Variants in FRYL observed in about 807,000 individuals in gnomAD.
FRYL encodes FRY like transcription coactivator.
Under a neutral mutation model 351.2 loss-of-function variants are expected in FRYL, and 150 were observed. The observed-to-expected ratio is 0.43, with a 90% CI of 0.37 to 0.49. The LOEUF is 0.49. Ranked by LOEUF, FRYL falls within the 20% of genes least tolerant of loss-of-function variation. The pLI is 0.00. For synonymous variants in FRYL, 1,153 were observed against 1,257.1 expected (o/e 0.92, Z 1.75); for missense variants, 3,036 against 3,619.3 (o/e 0.84, Z 4.13).
chr4:48,763,735 G>C (rs1244970755), intron 1 of FRYL, among the ~76,000 whole-genome samples: 3 of 152,092 alleles, frequency 2.0e-5, no homozygotes, highest in African/African-American at 7.2e-5. Context: ...GCCAAGAAAA[G>C]GGTACCCACT....
At chr4:48,754,861 C>CA (rs1206728958) in intron 1 of FRYL, among the ~76,000 whole-genome samples, 1 of 152,034 alleles carries the variant, frequency 6.6e-6, no homozygotes, top group East Asian at 1.9e-4. Context: ...AGGCTGGTCT[C>CA]AAACTCCTGA....
At chr4:48,507,049 A>C (rs1294936874) in intron 59 of FRYL, among the ~76,000 whole-genome samples, 1 of 152,194 alleles carries the variant, frequency 6.6e-6, no homozygotes, top group East Asian at 1.9e-4. Flanking sequence ...CAAAATGTTA[A>C]AATATTTATA....
chr4:48,510,089 T>G lies in FRYL; in HGVS notation c.8364A>C (p.Thr2788=). Reference sequence around the variant, plus strand: ...CAGCGGCTTCTCTTTTCACATTGTATGTATCCAGGTGTTCTTGCAACTCCA... The same window carrying G: ...CAGCGGCTTCTCTTTTCACATTGTAGGTATCCAGGTGTTCTTGCAACTCCA... ...GVLELQEHLD[T]YNVKREAAEQ... Residue 2788 remains threonine, a synonymous_variant, in exon 59 of 64, where the codon ACA becomes ACC. Transcript: ENST00000358350. 6.2e-7 allele frequency: 1 copy of G among 1,613,448 alleles called. No homozygotes were observed. The highest frequency in any genetic ancestry group is 8.5e-7 in the Non-Finnish European group (1 of 1,179,466).
In FRYL at chr4:48,565,132, G is replaced by A. The variant is rs536299668; in HGVS notation, c.3331-89C>T. 21 of 625,716 alleles carry A rather than the reference G, an allele frequency of 3.4e-5. No homozygotes were observed. The African/African-American group carries it at 3.7e-4, about 11-fold the overall frequency. The allele number at this position is 625,716 out of a possible 1,614,324, so 38.8% of individuals were successfully genotyped here. A position where few individuals can be genotyped will look rare whatever the true frequency, so the allele number is the denominator to read the frequency against. On this transcript the variant is annotated intron_variant, in intron 29 of 63. Transcript: ENST00000358350. Reference sequence around the variant, plus strand: ...TGAGAAGAGGCAAAATACTTATCTAGTCACAATACTTTAATCTTTTTTCTT... The same window carrying A: ...TGAGAAGAGGCAAAATACTTATCTAATCACAATACTTTAATCTTTTTTCTT...
chr4:48,605,582 AG>A (rs1746620356), intron 11 of FRYL, among the ~76,000 whole-genome samples, 158 bp downstream of exon 11: 1 of 152,236 alleles, frequency 6.6e-6, no homozygotes. Context: ...GATCAACAAA[AG>A]GAAGAGACCT....
intron 22 of FRYL, among the ~76,000 whole-genome samples, chr4:48,579,729 T>C (rs1019862976): frequency 2.0e-5 from 3 of 152,182 alleles, no homozygotes; most frequent in Non-Finnish European, 4.4e-5. Context: ...AAAAGTATAT[T>C]AAGCACTGCT....
chr4:48,603,461 T>C, intron 11 of FRYL, 73 bp from the exon 12 acceptor site: 1 of 994,284 alleles, frequency 1.0e-6, no homozygotes, highest in South Asian at 1.4e-5. Flanking sequence ...ATACAAGAAC[T>C]TTCTGTAAGG....
intron 3 of FRYL, among the ~76,000 whole-genome samples, chr4:48,668,149 G>A (rs117889237): frequency 6.6e-6 from 1 of 152,148 alleles, no homozygotes; most frequent in East Asian, 1.9e-4. Context: ...AACCACTTTG[G>A]CTCTACAAAG....
intron 1 of FRYL, among the ~76,000 whole-genome samples, chr4:48,718,820 C>T (rs1769156026): frequency 6.6e-6 from 1 of 151,414 alleles, no homozygotes; most frequent in Admixed American, 6.6e-5. Context: ...TCTGACCTAC[C>T]TATTCAGGTG....
At chr4:48,669,987 T>TA (rs1283955570) in intron 3 of FRYL, among the ~76,000 whole-genome samples, 1 of 152,178 alleles carries the variant, frequency 6.6e-6, no homozygotes, top group Non-Finnish European at 1.5e-5. Flanking sequence ...AGTAGGTGTA[T>TA]ATACACATGG....
intron 2 of FRYL, among the ~76,000 whole-genome samples, chr4:48,689,901 T>C (rs1428635078): frequency 1.3e-5 from 2 of 149,154 alleles, no homozygotes; most frequent in South Asian, 2.1e-4. Flanking sequence ...TTTTCTTTTT[T>C]TTTTTTTTTT....
intron 1 of FRYL, among the ~76,000 whole-genome samples, chr4:48,763,463 TA>T (rs957334364): frequency 9.3e-5 from 14 of 151,260 alleles, no homozygotes; most frequent in African/African-American, 1.2e-4. Flanking sequence ...CCTTGTCTCT[TA>T]AAAAAAAACT....
intron 3 of FRYL, among the ~76,000 whole-genome samples, chr4:48,643,637 A>T (rs1755765946): frequency 6.6e-6 from 1 of 152,238 alleles, no homozygotes; most frequent in Admixed American, 6.5e-5. Flanking sequence ...AAGTAAATGC[A>T]ATAATATTAA....
chr4:48,584,942 T>C (rs971654914), intron 19 of FRYL, among the ~76,000 whole-genome samples: 4 of 152,158 alleles, frequency 2.6e-5, no homozygotes, highest in Middle Eastern at 3.2e-3. Context: ...TAAACAAATA[T>C]CATAGGAGAA....
intron 1 of FRYL, among the ~76,000 whole-genome samples, chr4:48,715,445 G>C (rs1768678660): frequency 6.6e-6 from 1 of 152,134 alleles, no homozygotes; most frequent in South Asian, 2.1e-4. Flanking sequence ...CAAAATCAAT[G>C]TACAAAAATC....
chr4:48,499,797 A>G, intron 63 of FRYL, 117 bp from the exon 64 acceptor site: 1 of 1,033,530 alleles, frequency 9.7e-7, no homozygotes, highest in Non-Finnish European at 1.4e-6. Context: ...GATCTGTTTT[A>G]ATATTTGAGC....
intron 33 of FRYL, among the ~76,000 whole-genome samples, chr4:48,560,043 A>C (rs1243346664): frequency 2.0e-5 from 3 of 152,102 alleles, no homozygotes; most frequent in Non-Finnish European, 4.4e-5. Context: ...AGAATATGGA[A>C]TAGTGAGTGT....
chr4:48,734,389 C>G lies in FRYL; in HGVS notation c.-383-23691G>C, dbSNP rs1771062279. ...ATACTAAATGTGTGTGTGTGCCTAA[C>G]AGAACATCAAAATGTGTGAGTGAAA... On this transcript the variant is annotated intron_variant, in intron 1 of 63. Coordinates refer to ENST00000358350, the MANE Select transcript of FRYL (RefSeq NM_015030.2). 2.0e-5 allele frequency among the ~76,000 whole-genome samples: 3 copies of G among 152,096 alleles called. No individual in the cohort carries two copies. The South Asian group carries it at 6.2e-4, about 32-fold the overall frequency.
At chr4:48,615,674 T>C (rs1206787595) in intron 7 of FRYL, among the ~76,000 whole-genome samples, 2 of 152,244 alleles carry the variant, frequency 1.3e-5, no homozygotes, top group African/African-American at 4.8e-5. Context: ...TAATTTTGTT[T>C]CCAAGGTGAA....
Sources: allele counts gnomAD v4.1 joint callset (sites outside exome capture counted in the v4.1 genomes callset), GRCh38; gene constraint gnomAD v4.1.1; transcripts MANE v1.5; gene names NCBI Gene and HGNC (gene_info 2026-07-23, HGNC 2026-07-21).